Variants in ATF7IP observed in about 807,000 individuals in gnomAD.
The protein encoded by ATF7IP is activating transcription factor 7-interacting protein 1.
In ATF7IP, 23 loss-of-function variants were observed where a neutral mutation model predicts 106.4. The observed-to-expected ratio is 0.22, with a 90% CI of 0.16 to 0.31. The LOEUF (loss-of-function observed/expected upper bound fraction) is 0.31. Ranked by LOEUF, ATF7IP falls within the 10% of genes least tolerant of loss-of-function variation. ATF7IP has a pLI of 1.00. For synonymous variants in ATF7IP, 542 were observed against 539.0 expected, an observed-to-expected ratio of 1.01 and a Z score of -0.08; for missense variants, 1,334 against 1,524.3, an observed-to-expected ratio of 0.88 and a Z score of 2.08.
chr12:14,395,669 T>G (rs1939797182), intron 1 of ATF7IP, among the ~76,000 whole-genome samples: 1 of 152,154 alleles, frequency 6.6e-6, no homozygotes, highest in Non-Finnish European at 1.5e-5. Context: ...TTAGTTTAAA[T>G]TTACCACTTT....
intron 5 of ATF7IP, among the ~76,000 whole-genome samples, chr12:14,438,766 C>G (rs1942547471): frequency 1.3e-5 from 2 of 152,146 alleles, no homozygotes; most frequent in Non-Finnish European, 2.9e-5. Context: ...CAATGACCTT[C>G]TTTACAAATA....
At chr12:14,483,516 T>C (rs1944493843) in intron 13 of ATF7IP, among the ~76,000 whole-genome samples, 1 of 151,996 alleles carries the variant, frequency 6.6e-6, no homozygotes, top group Admixed American at 6.6e-5. Context: ...GGTGGGAGCG[T>C]TCCTCCCTCT....
chr12:14,367,438 A>G (rs1339458967), intron 1 of ATF7IP: 1 of 152,118 alleles, frequency 6.6e-6, no homozygotes, highest in Non-Finnish European at 1.5e-5. Flanking sequence ...ACAGAAGTAT[A>G]TTTAGAGAGC....
intron 1 of ATF7IP, among the ~76,000 whole-genome samples, chr12:14,379,915 TG>T (rs1220029830): frequency 6.6e-6 from 1 of 152,166 alleles, no homozygotes; most frequent in Non-Finnish European, 1.5e-5. Flanking sequence ...TGGCATGCTT[TG>T]GGCTCTTTGG....
chr12:14,472,910 T>C (rs1405640447), intron 10 of ATF7IP, among the ~76,000 whole-genome samples: 1 of 152,212 alleles, frequency 6.6e-6, no homozygotes, highest in Middle Eastern at 3.2e-3. Flanking sequence ...TTTAATTGGC[T>C]CATGGTTCTA....
At chr12:14,471,553 TAAAG>T (rs1944045621) in intron 10 of ATF7IP, among the ~76,000 whole-genome samples, 1 of 152,064 alleles carries the variant, frequency 6.6e-6, no homozygotes, top group Non-Finnish European at 1.5e-5. Context: ...TTTTAACTCT[TAAAG>T]AAAAAAGTTT....
At chr12:14,385,127 T>A (rs1939160326) in intron 1 of ATF7IP, 5 of 381,494 alleles carry the variant, frequency 1.3e-5, no homozygotes, top group Non-Finnish European at 1.9e-5. Context: ...TTTTTCTGTG[T>A]CCTGTGTAGC....
chr12:14,390,760 C>A (rs138063755), intron 1 of ATF7IP, among the ~76,000 whole-genome samples: 6 of 152,268 alleles, frequency 3.9e-5, no homozygotes, highest in African/African-American at 1.4e-4. Context: ...AAACTTACAT[C>A]TATTTACATT....
chr12:14,413,960 G>T (rs1015422816), intron 1 of ATF7IP, among the ~76,000 whole-genome samples: 3 of 152,084 alleles, frequency 2.0e-5, no homozygotes, highest in African/African-American at 7.2e-5. Flanking sequence ...TGTCAGTATA[G>T]CTAAAACTTG....
intron 1 of ATF7IP, among the ~76,000 whole-genome samples, chr12:14,407,040 C>CTA (rs145251634): frequency 5.8e-4 from 88 of 152,222 alleles, no homozygotes; most frequent in African/African-American, 2.1e-3. Context: ...TTCTGTGTTC[C>CTA]TATATGTTTT....
intron 1 of ATF7IP, among the ~76,000 whole-genome samples, chr12:14,382,081 T>G (rs766896224): frequency 1.1e-4 from 17 of 152,164 alleles, no homozygotes; most frequent in Non-Finnish European, 2.1e-4. Context: ...ACACCTGTGG[T>G]CCCAGTTACT....
intron 1 of ATF7IP, among the ~76,000 whole-genome samples, chr12:14,404,605 A>T (rs1341748790): frequency 1.3e-5 from 2 of 152,134 alleles, no homozygotes; most frequent in African/African-American, 4.8e-5. Context: ...TGGTGTGTGT[A>T]TGTATATTTG....
intron 1 of ATF7IP, among the ~76,000 whole-genome samples, chr12:14,393,547 A>G (rs1319646077): frequency 6.6e-6 from 1 of 152,242 alleles, no homozygotes; most frequent in East Asian, 1.9e-4. Context: ...TAAGTCTACC[A>G]TTTGCTATTG....
chr12:14,473,290 C>A (rs7303952), intron 10 of ATF7IP, among the ~76,000 whole-genome samples: 8,265 of 129,870 alleles, frequency 0.064, 339 homozygotes, highest in Middle Eastern at 0.08. Flanking sequence ...CTCTCTCTCT[C>A]TGTGTGTGTG....
intron 8 of ATF7IP, 43 bp from the exon 9 acceptor site, chr12:14,460,452 T>C: frequency 6.6e-7 from 1 of 1,523,318 alleles, no homozygotes; most frequent in Non-Finnish European, 8.9e-7. Context: ...GTTGATAAAT[T>C]AATATAACCA....
chr12:14,429,426 G>A (rs1190272919), intron 2 of ATF7IP, among the ~76,000 whole-genome samples: 1 of 151,836 alleles, frequency 6.6e-6, no homozygotes, highest in Admixed American at 6.6e-5. Context: ...TTAAACATAA[G>A]ATTTTTGAAG....
At chr12:14,493,089 C>T (rs1944882079) in intron 13 of ATF7IP, among the ~76,000 whole-genome samples, 1 of 152,088 alleles carries the variant, frequency 6.6e-6, no homozygotes, top group Non-Finnish European at 1.5e-5. Flanking sequence ...TCTTTTAATC[C>T]TTATTTCAAC....
At chr12:14,412,022 C>T (rs78398981) in intron 1 of ATF7IP, among the ~76,000 whole-genome samples, 2 of 152,272 alleles carry the variant, frequency 1.3e-5, no homozygotes, top group East Asian at 3.9e-4. Flanking sequence ...GTTTTTCCAA[C>T]ACTCTTTGTT....
chr12:14,382,182 C>G (rs936573198), intron 1 of ATF7IP, among the ~76,000 whole-genome samples: 9 of 152,002 alleles, frequency 5.9e-5, no homozygotes, highest in African/African-American at 2.2e-4. Flanking sequence ...TGTAGCCTGT[C>G]TACAAACAAA....
Sources: allele counts gnomAD v4.1 joint callset (sites outside exome capture counted in the v4.1 genomes callset), GRCh38; gene constraint gnomAD v4.1.1; transcripts MANE v1.5; gene names NCBI Gene and HGNC (gene_info 2026-07-23, HGNC 2026-07-21).